The following ZDHHC15 variants were observed in gnomAD, a reference collection of about 807,000 sequenced individuals.
ZDHHC15 encodes zDHHC palmitoyltransferase 15, also known as palmitoyltransferase ZDHHC15.
Under a neutral mutation model 31.7 loss-of-function variants are expected in ZDHHC15, and 19 were observed. That is an observed-to-expected ratio of 0.60 (90% CI 0.42 to 0.88). The LOEUF (loss-of-function observed/expected upper bound fraction) is 0.88, where lower values mean the gene tolerates loss of function less well. ZDHHC15 is among the 40% of genes least tolerant of loss of function. ZDHHC15 has a pLI of 0.00. For synonymous variants in ZDHHC15, 103 were observed against 90.0 expected, an observed-to-expected ratio of 1.14 and a Z score of -0.82; for missense variants, 209 against 251.2, an observed-to-expected ratio of 0.83 and a Z score of 1.14.
chrX:75,432,434 T>A (rs747479110), intron 4 of ZDHHC15, among the ~76,000 whole-genome samples: 2 of 112,245 alleles, frequency 1.8e-5, no homozygotes, highest in Non-Finnish European at 3.8e-5. Flanking sequence ...GAGATTTGTG[T>A]TTACTTCCAC....
At chrX:75,413,078 G>A (rs925087689) in intron 10 of ZDHHC15, among the ~76,000 whole-genome samples, 5 of 111,755 alleles carry the variant, frequency 4.5e-5, no homozygotes, top group African/African-American at 1.3e-4. Context: ...CACAAAAAAA[G>A]GTAACTATGT....
intron 2 of ZDHHC15, among the ~76,000 whole-genome samples, chrX:75,482,520 A>G (rs778230915): frequency 9.0e-6 from 1 of 111,607 alleles, no homozygotes; most frequent in South Asian, 3.8e-4. Context: ...CTAATTATCC[A>G]TTAGGCATCT....
intron 3 of ZDHHC15, among the ~76,000 whole-genome samples, chrX:75,464,484 T>G (rs1386409551): frequency 9.0e-6 from 1 of 110,674 alleles, no homozygotes; most frequent in Non-Finnish European, 1.9e-5. Flanking sequence ...AAATAAAAAC[T>G]GCTACCTCCT....
At chrX:75,399,567 G>A (rs994428308) in intron 10 of ZDHHC15, among the ~76,000 whole-genome samples, 2 of 111,074 alleles carry the variant, frequency 1.8e-5, no homozygotes, top group African/African-American at 6.6e-5. Context: ...TCAAGTAAAC[G>A]ACCCTTGGTC....
chrX:75,391,024 G>T (rs1188556555), intron 10 of ZDHHC15, among the ~76,000 whole-genome samples: 1 of 111,687 alleles, frequency 9.0e-6, no homozygotes, highest in Non-Finnish European at 1.9e-5. Flanking sequence ...AAATGGGATG[G>T]AAATAATTAA....
chrX:75,435,834 T>C (rs1250544982), intron 4 of ZDHHC15, among the ~76,000 whole-genome samples: 1 of 112,112 alleles, frequency 8.9e-6, no homozygotes, highest in African/African-American at 3.2e-5. Context: ...TGGTTTTTGG[T>C]ACTAGGGTAA....
chrX:75,388,180 A>T (rs1351536659), intron 10 of ZDHHC15, among the ~76,000 whole-genome samples: 1 of 112,437 alleles, frequency 8.9e-6, no homozygotes, highest in African/African-American at 3.2e-5. Context: ...CCAATCTTAC[A>T]AGAAATGGTA....
At chrX:75,413,575 G>A (rs768220348) in intron 10 of ZDHHC15, among the ~76,000 whole-genome samples, 1 of 110,415 alleles carries the variant, frequency 9.1e-6, no homozygotes, top group Admixed American at 9.6e-5. Flanking sequence ...TGAGGCAGGA[G>A]AGTCACTTGA....
At chrX:75,514,178 T>C (rs967691322) in intron 1 of ZDHHC15, among the ~76,000 whole-genome samples, 25 of 112,431 alleles carry the variant, frequency 2.2e-4, no homozygotes, top group African/African-American at 7.7e-4. Flanking sequence ...TACAAAAAAA[T>C]AAGAACACTG....
At chrX:75,510,207 C>T (rs1041562479) in intron 1 of ZDHHC15, among the ~76,000 whole-genome samples, 1 of 111,696 alleles carries the variant, frequency 9.0e-6, no homozygotes, top group Non-Finnish European at 1.9e-5. Flanking sequence ...GATTCCAGGG[C>T]TCTCTTCACA....
At chrX:75,385,241 T>C (rs1298486665) in intron 10 of ZDHHC15, among the ~76,000 whole-genome samples, 1 of 111,731 alleles carries the variant, frequency 9.0e-6, no homozygotes, top group Non-Finnish European at 1.9e-5. Context: ...AGCTCTTGTA[T>C]ATAGGATGTA....
intron 2 of ZDHHC15, among the ~76,000 whole-genome samples, chrX:75,493,270 C>T (rs2084930643): frequency 8.9e-6 from 1 of 111,819 alleles, no homozygotes; most frequent in Non-Finnish European, 1.9e-5. Context: ...ATAAGAGGCT[C>T]TGAAATTCAG....
intron 1 of ZDHHC15, among the ~76,000 whole-genome samples, chrX:75,518,052 C>G (rs991453430): frequency 9.0e-6 from 1 of 110,829 alleles, no homozygotes; most frequent in Non-Finnish European, 1.9e-5. Context: ...AAAAATCCCA[C>G]AGGGGTAAAT....
intron 4 of ZDHHC15, among the ~76,000 whole-genome samples, chrX:75,444,345 A>T (rs1357118971): frequency 1.9e-5 from 2 of 107,166 alleles, no homozygotes; most frequent in Admixed American, 2.0e-4. Context: ...TGAAGCCATC[A>T]TTCTCAGCAA....
chrX:75,393,769 T>TTA (rs1301118816), intron 10 of ZDHHC15, among the ~76,000 whole-genome samples: 1 of 111,440 alleles, frequency 9.0e-6, no homozygotes, highest in African/African-American at 3.3e-5. Flanking sequence ...ACTAATGGAA[T>TTA]TATATATATG....
chrX:75,424,419 A>G (rs1044669805), intron 8 of ZDHHC15, among the ~76,000 whole-genome samples: 5 of 111,434 alleles, frequency 4.5e-5, no homozygotes, highest in African/African-American at 1.6e-4. Context: ...AACAATGGCC[A>G]TTTTTGTTTC....
chrX:75,417,050 T>C, intron 10 of ZDHHC15, 37 bp downstream of exon 10: 1 of 1,045,543 alleles, frequency 9.6e-7, no homozygotes, highest in East Asian at 3.1e-5. Flanking sequence ...ACATTGGTTG[T>C]ATTAATGTGG....
Position 75,384,615 on chromosome X carries a change from T to C in ZDHHC15, c.968-5417A>G, listed in dbSNP as rs775351763. 7.3e-6 allele frequency: 6 copies of C among 824,491 alleles called. No homozygotes were observed. In the South Asian group the frequency reaches 1.1e-4, roughly 15 times the overall value. The allele number at this position is 824,491 out of a possible 1,213,427, so 67.9% of individuals were successfully genotyped here. On this transcript the variant is annotated intron_variant, in intron 10 of 11. Transcript: ENST00000373367. ...GCAAGATTCTTGCCAAGAGAATTAA[T>C]GTGCGTATTGAGCACATTAAGCACT... is the stretch of plus-strand genomic sequence containing the variant.
At chrX:75,498,365 G>A (rs1001995348) in intron 2 of ZDHHC15, among the ~76,000 whole-genome samples, 5 of 111,375 alleles carry the variant, frequency 4.5e-5, no homozygotes, top group South Asian at 3.8e-4. Context: ...GCTGTTTACC[G>A]ATGATATGAT....
Sources: allele counts gnomAD v4.1 joint callset (sites outside exome capture counted in the v4.1 genomes callset), GRCh38; gene constraint gnomAD v4.1.1; transcripts MANE v1.5; gene names NCBI Gene and HGNC (gene_info 2026-07-23, HGNC 2026-07-21).